Variants in FRMD6 observed in about 807,000 individuals in gnomAD.
FRMD6 encodes the protein FERM domain containing 6.
FRMD6 carries 37 observed loss-of-function variants against 73.2 expected under a neutral mutation model. The observed-to-expected ratio is 0.51, with a 90% CI of 0.39 to 0.66. FRMD6 has a LOEUF of 0.66. FRMD6 is among the 30% of genes least tolerant of loss of function. The probability of loss-of-function intolerance (pLI) is 0.00; values close to 1 mark genes in which losing one functional copy is unlikely to be tolerated. For synonymous variants in FRMD6, 273 were observed against 282.2 expected, an observed-to-expected ratio of 0.97 and a Z score of 0.33; for missense variants, 714 against 780.5, an observed-to-expected ratio of 0.91 and a Z score of 1.02.
Position 51,672,136 on chromosome 14 carries a change from A to G in FRMD6, c.-146-17555A>G, listed in dbSNP as rs74052660. On this transcript the variant is annotated intron_variant, in intron 1 of 13. Coordinates refer to ENST00000344768, the MANE Select transcript of FRMD6 (RefSeq NM_001267046.2). ...ACAAAGCACTTTCAAAGCAGTGGCTACCAAGAGGTGGAAGTGATCCAGTCA... is the reference window on the plus strand; with the variant it reads ...ACAAAGCACTTTCAAAGCAGTGGCTGCCAAGAGGTGGAAGTGATCCAGTCA... Among the ~76,000 whole-genome samples the G allele has an allele frequency of 9.5e-3, 1,443 of 152,330 alleles. 24 individuals are homozygous for G. The highest frequency in any genetic ancestry group is 0.033 in the African/African-American group (1,379 of 41,578).
chr14:51,610,321 T>A (rs1351834157), intron 2 of FRMD6, among the ~76,000 whole-genome samples: 1 of 116,974 alleles, frequency 8.5e-6, no homozygotes, highest in Non-Finnish European at 1.8e-5. Flanking sequence ...CTATTCTTTT[T>A]TTAATCCCTT....
the FRMD6 span, among the ~76,000 whole-genome samples, chr14:51,421,079 T>C: frequency 6.6e-6 from 1 of 152,166 alleles, no homozygotes; most frequent in African/African-American, 2.4e-5. Context: ...CCGGCTGTTT[T>C]TATATTCAAG....
In FRMD6 at chr14:51,549,595, C is replaced by CTTTTTTTTTTTTTTTTTTTTT. The variant is rs35356416; in HGVS notation, c.-209-20733_-209-20732insTTTTTTTTTTTTTTTTTTTTT. ...TGGAGTATAAACTTTTTTTTTCTTT[C>CTTTTTTTTTTTTTTTTTTTTT]TTTTTTTTTTTTTTTTTTTTGAGAC... On this transcript the variant is annotated intron_variant, in intron 1 of 14. Coordinates refer to the FRMD6 transcript ENST00000356218. 2.3e-4 allele frequency among the ~76,000 whole-genome samples: 23 copies of CTTTTTTTTTTTTTTTTTTTTT among 98,006 alleles called. 2 individuals are homozygous for CTTTTTTTTTTTTTTTTTTTTT. The highest frequency in any genetic ancestry group is 9.4e-4 in the African/African-American group (23 of 24,406). 64.3% of individuals were successfully genotyped at this position (98,006 alleles called of 152,430 possible). A position where few individuals can be genotyped will look rare whatever the true frequency, so the allele number is the denominator to read the frequency against.
chr14:51,597,981 A>G (rs191597475), intron 2 of FRMD6, among the ~76,000 whole-genome samples: 1 of 152,118 alleles, frequency 6.6e-6, no homozygotes, highest in Non-Finnish European at 1.5e-5. Context: ...CCAACCATCC[A>G]TTTTTGCTGT....
chr14:51,689,004 A>G (rs1487864716), intron 1 of FRMD6, among the ~76,000 whole-genome samples: 3 of 152,372 alleles, frequency 2.0e-5, no homozygotes, highest in Middle Eastern at 3.4e-3. Context: ...ATGGTTTGAT[A>G]TATACAGTCT....
At chr14:51,497,402 G>A (rs575958246) in intron 1 of FRMD6, among the ~76,000 whole-genome samples, 32 of 151,700 alleles carry the variant, frequency 2.1e-4, no homozygotes, top group Admixed American at 1.3e-3. Context: ...AAACTTTATC[G>A]GTTTTCCATG....
the FRMD6 span, among the ~76,000 whole-genome samples, chr14:51,426,437 C>G: frequency 2.6e-5 from 4 of 152,158 alleles, no homozygotes; most frequent in African/African-American, 9.7e-5. Flanking sequence ...TGTCTGTGTT[C>G]ACTTACAACA....
chr14:51,659,985 C>G (rs1594678104), intron 1 of FRMD6, among the ~76,000 whole-genome samples: 1 of 152,146 alleles, frequency 6.6e-6, no homozygotes, highest in African/African-American at 2.4e-5. Context: ...AGCCTAATTA[C>G]GAGCTCAGCT....
intron 2 of FRMD6, among the ~76,000 whole-genome samples, chr14:51,643,285 G>A (rs987632777): frequency 6.6e-6 from 1 of 152,166 alleles, no homozygotes; most frequent in African/African-American, 2.4e-5. Context: ...GTGGGATGAG[G>A]AACCTGTGGA....
chr14:51,607,439 G>A (rs903032852), intron 2 of FRMD6, among the ~76,000 whole-genome samples: 1 of 152,146 alleles, frequency 6.6e-6, no homozygotes, highest in Non-Finnish European at 1.5e-5. Flanking sequence ...TGCCACTGAG[G>A]TGCCAACTCT....
intron 1 of FRMD6, among the ~76,000 whole-genome samples, chr14:51,671,862 T>G (rs989346383): frequency 1.2e-4 from 19 of 152,160 alleles, no homozygotes; most frequent in Non-Finnish European, 2.6e-4. Context: ...AGACCAACAA[T>G]TAACAGCAGA....
At chr14:51,487,210 C>G (rs1882783644), upstream of FRMD6, among the ~76,000 whole-genome samples, 1 of 152,112 alleles carries the variant, frequency 6.6e-6, no homozygotes, top group Non-Finnish European at 1.5e-5. Context: ...GTGGGTTTGT[C>G]ACAGCTTTAT....
intron 1 of FRMD6, among the ~76,000 whole-genome samples, chr14:51,508,056 C>T (rs944333843): frequency 2.6e-5 from 4 of 152,194 alleles, no homozygotes; most frequent in African/African-American, 7.2e-5. Context: ...CAGGCTCCAT[C>T]GCAGACCCTG....
At chr14:51,539,282 A>T (rs1283962914) in intron 1 of FRMD6, among the ~76,000 whole-genome samples, 1 of 151,760 alleles carries the variant, frequency 6.6e-6, no homozygotes, top group Non-Finnish European at 1.5e-5. Flanking sequence ...CCCCCACCTC[A>T]GTCCATGTCT....
the FRMD6 span, among the ~76,000 whole-genome samples, chr14:51,456,523 A>C: frequency 6.6e-6 from 1 of 152,188 alleles, no homozygotes; most frequent in Non-Finnish European, 1.5e-5. Flanking sequence ...TGGTGTATAT[A>C]TGCCACATTT....
At chr14:51,530,427 A>G (rs975940290) in intron 1 of FRMD6, among the ~76,000 whole-genome samples, 2 of 152,234 alleles carry the variant, frequency 1.3e-5, no homozygotes, top group African/African-American at 4.8e-5. Flanking sequence ...GGTAGATTAA[A>G]TGTAAAAGTG....
chr14:51,692,110 A>G (rs925389845), intron 2 of FRMD6, among the ~76,000 whole-genome samples: 22 of 152,164 alleles, frequency 1.4e-4, no homozygotes, highest in African/African-American at 3.9e-4. Flanking sequence ...CTGAGGATCC[A>G]ACAGGCCTGC....
intron 2 of FRMD6, among the ~76,000 whole-genome samples, chr14:51,623,985 T>A (rs1467926536): frequency 6.6e-6 from 1 of 152,190 alleles, no homozygotes; most frequent in African/African-American, 2.4e-5. Flanking sequence ...AGGAAAAAGA[T>A]CATGTCCTTT....
At chr14:51,669,116 G>C (rs1893816767) in intron 1 of FRMD6, among the ~76,000 whole-genome samples, 1 of 152,132 alleles carries the variant, frequency 6.6e-6, no homozygotes, top group Non-Finnish European at 1.5e-5. Flanking sequence ...AAGCCAAAAA[G>C]TTTCCTACAG....
Sources: gnomAD v4.1 joint callset for allele counts (sites outside exome capture counted in the v4.1 genomes callset) on GRCh38, gnomAD v4.1.1 for gene constraint, MANE v1.5 for transcripts, NCBI Gene and HGNC (gene_info 2026-07-23, HGNC 2026-07-21) for gene names.